Variants in SIPA1L1 observed in about 807,000 individuals in gnomAD.
The protein encoded by SIPA1L1 is signal induced proliferation associated 1 like 1.
In SIPA1L1, 26 loss-of-function variants were observed where a neutral mutation model predicts 162.7. That is an observed-to-expected ratio of 0.16 (90% CI 0.12 to 0.22). The LOEUF is 0.22. SIPA1L1 is among the 10% of genes least tolerant of loss of function. The pLI, the probability that SIPA1L1 is intolerant of heterozygous loss-of-function variation, is 1.00. For missense variants in SIPA1L1, 1,874 were observed against 2,241.0 expected (o/e 0.84, Z 3.31); for synonymous variants, 829 against 837.4 (o/e 0.99, Z 0.17).
rs2039737232 is a variant in SIPA1L1, at chr14:71,624,212, G to A, written c.1794G>A (p.Gln598=). The change falls in exon 7 of 24, where the codon CAG becomes CAA. Residue 598 remains glutamine (Q), a synonymous_variant. Coordinates refer to ENST00000381232, the MANE Select transcript of SIPA1L1 (RefSeq NM_001386936.1). ...LAFNTPKVTE[Q]LMKLDEQGLN... is the part of the protein sequence containing the mutation. ...TCAACACACCCAAGGTCACAGAGCA[G>A]CTCATGAAACTGGATGAACAAGGGG... 1 of 1,612,690 alleles carries A rather than the reference G, an allele frequency of 6.2e-7. No homozygotes were observed. Among genetic ancestry groups the A allele is most frequent in the East Asian group, 2.2e-5 (1 of 44,840 alleles).
At chr14:71,440,355 T>TA (rs2044738478) in intron 2 of SIPA1L1, among the ~76,000 whole-genome samples, 1 of 151,752 alleles carries the variant, frequency 6.6e-6, no homozygotes, top group Non-Finnish European at 1.5e-5. Context: ...GTAAGATGAT[T>TA]AAAAAAATAA....
At chr14:71,440,524 C>T (rs2141201271) in intron 2 of SIPA1L1, among the ~76,000 whole-genome samples, 1 of 151,366 alleles carries the variant, frequency 6.6e-6, no homozygotes, top group East Asian at 2.0e-4. Flanking sequence ...GGGTGGGTGC[C>T]TGTAGTCCCA....
At chr14:71,544,093 A>ACACG (rs1157515850) in intron 4 of SIPA1L1, among the ~76,000 whole-genome samples, 55 of 148,194 alleles carry the variant, frequency 3.7e-4, no homozygotes, top group Admixed American at 1.3e-3. Context: ...ATGTATATAC[A>ACACG]CACGCACATG....
chr14:71,492,153 G>A (rs1312455354), intron 2 of SIPA1L1, among the ~76,000 whole-genome samples: 1 of 152,172 alleles, frequency 6.6e-6, no homozygotes, highest in East Asian at 1.9e-4. Context: ...AAAGAGGGTG[G>A]TATAGTAACT....
intron 3 of SIPA1L1, among the ~76,000 whole-genome samples, chr14:71,525,687 T>G (rs560509779): frequency 6.6e-6 from 1 of 152,340 alleles, no homozygotes; most frequent in South Asian, 2.1e-4. Flanking sequence ...TCTGTTAGAT[T>G]GGAAGAAATT....
intron 2 of SIPA1L1, among the ~76,000 whole-genome samples, chr14:71,328,965 A>G (rs1034859576): frequency 9.2e-5 from 14 of 152,184 alleles, no homozygotes; most frequent in African/African-American, 3.1e-4. Flanking sequence ...GGCAACCATC[A>G]TTCTTTCTGT....
rs1208941276 is a variant in SIPA1L1 at position 71,422,136 on chromosome 14, G to A, written c.-464-90607G>A. On this transcript the variant is annotated intron_variant, in intron 2 of 23. Transcript: ENST00000381232. ...CTTTTAGCCTGGGAAAGAGATATGT[G>A]TGTTGGCTCATACCTATAATAATTA... Among the ~76,000 whole-genome samples the A allele has an allele frequency of 2.0e-5, 3 of 152,192 alleles. No homozygotes were observed. The East Asian group carries it at 5.8e-4, about 29-fold the overall frequency.
intron 21 of SIPA1L1, among the ~76,000 whole-genome samples, chr14:71,734,241 G>T (rs554304225): frequency 6.6e-6 from 1 of 152,310 alleles, no homozygotes; most frequent in East Asian, 1.9e-4. Context: ...CCTCATCTCC[G>T]TGCGCGGTAG....
chr14:71,706,147 T>C (rs1566698841), intron 16 of SIPA1L1, among the ~76,000 whole-genome samples: 2 of 151,708 alleles, frequency 1.3e-5, no homozygotes, highest in African/African-American at 4.8e-5. Context: ...ATATTGAAGC[T>C]AAAAAAAACA....
chr14:71,443,420 G>T (rs2045079305), intron 2 of SIPA1L1, among the ~76,000 whole-genome samples: 1 of 152,056 alleles, frequency 6.6e-6, no homozygotes, highest in African/African-American at 2.4e-5. Context: ...TTATCTTTTT[G>T]TGCTTGTTTG....
At chr14:71,407,909 A>T (rs1332171638) in intron 2 of SIPA1L1, among the ~76,000 whole-genome samples, 1 of 152,186 alleles carries the variant, frequency 6.6e-6, no homozygotes, top group African/African-American at 2.4e-5. Flanking sequence ...GCTTAAAATT[A>T]TCTTGGATTC....
At chr14:71,605,741 C>T (rs1263560360) in intron 5 of SIPA1L1, among the ~76,000 whole-genome samples, 1 of 152,162 alleles carries the variant, frequency 6.6e-6, no homozygotes, top group African/African-American at 2.4e-5. Context: ...GTGGGCCAAT[C>T]GTCGAGTCCA....
rs747175786 is a variant in SIPA1L1, at chr14:71,723,621, CAT to C, written c.4209-25_4209-24del. The C allele has an allele frequency of 1.8e-4, 289 of 1,612,990 alleles. 1 individual carries two copies. Among genetic ancestry groups the C allele is most frequent in the South Asian group, 7.1e-4 (65 of 91,064 alleles). On this transcript the variant is annotated intron_variant, in intron 17 of 23. Transcript: ENST00000381232. ...GCTGACATAATGATCCTGAGATACA[CAT>C]GTCTTTGCCCTGCTTCTCCTCAGTA...
intron 7 of SIPA1L1, among the ~76,000 whole-genome samples, chr14:71,629,170 C>G (rs571821883): frequency 6.6e-6 from 1 of 152,188 alleles, no homozygotes; most frequent in African/African-American, 2.4e-5. Flanking sequence ...ATCTCCTGAC[C>G]TCGTGGTCCG....
chr14:71,502,255 A>AAAAATATATATATATATATATAT (rs67020418), intron 2 of SIPA1L1, among the ~76,000 whole-genome samples: 2 of 97,558 alleles, frequency 2.1e-5, no homozygotes, highest in African/African-American at 9.1e-5. Context: ...AAAAAAAAAA[A>AAAAATATATATATATATATATAT]ATATATATAT....
intron 2 of SIPA1L1, among the ~76,000 whole-genome samples, chr14:71,442,532 AT>A (rs1293053587): frequency 6.6e-6 from 1 of 152,132 alleles, no homozygotes; most frequent in Middle Eastern, 3.2e-3. Context: ...ATGTCTATAA[AT>A]TTTTTTCTTT....
At chr14:71,542,338 C>G (rs1385332827) in intron 4 of SIPA1L1, among the ~76,000 whole-genome samples, 2 of 144,272 alleles carry the variant, frequency 1.4e-5, no homozygotes, top group Non-Finnish European at 3.0e-5. Flanking sequence ...CCTCTTCCTC[C>G]TCCTCCTTCT....
intron 2 of SIPA1L1, among the ~76,000 whole-genome samples, chr14:71,375,753 G>T (rs2039316081): frequency 6.6e-6 from 1 of 152,074 alleles, no homozygotes; most frequent in Non-Finnish European, 1.5e-5. Flanking sequence ...TACTCTTCTA[G>T]TGTGTGGAGA....
intron 4 of SIPA1L1, among the ~76,000 whole-genome samples, chr14:71,533,961 T>G (rs1030141509): frequency 6.6e-6 from 1 of 152,050 alleles, no homozygotes; most frequent in African/African-American, 2.4e-5. Flanking sequence ...CTGTGACTCA[T>G]GCGTGTAATC....
Sources: allele counts gnomAD v4.1 joint callset (sites outside exome capture counted in the v4.1 genomes callset), GRCh38; gene constraint gnomAD v4.1.1; transcripts MANE v1.5; gene names NCBI Gene and HGNC (gene_info 2026-07-23, HGNC 2026-07-21).